Variants in LRTM3 observed in about 807,000 individuals in gnomAD.
The protein encoded by LRTM3 is leucine-rich repeat transmembrane protein 3.
the LRTM3 span, among the ~76,000 whole-genome samples, chr13:102,754,102 A>C: frequency 6.7e-6 from 1 of 148,272 alleles, no homozygotes; most frequent in Non-Finnish European, 1.5e-5. Context: ...GCTACTCGGG[A>C]GGCTGAGGCA....
the LRTM3 span, chr13:102,742,125 A>G: frequency 6.4e-7 from 1 of 1,550,470 alleles, no homozygotes; most frequent in Non-Finnish European, 8.7e-7. Flanking sequence ...CTAGACACAC[A>G]GTATCCAGAG....
chr13:102,733,195 C>A, the LRTM3 span: 10 of 1,551,282 alleles, frequency 6.4e-6, no homozygotes, highest in African/African-American at 1.2e-4. Flanking sequence ...GGATCACTTG[C>A]TTTTTCATGA....
At chr13:102,731,208 T>A in the LRTM3 span, 2 of 1,551,344 alleles carry the variant, frequency 1.3e-6, no homozygotes, top group African/African-American at 2.7e-5. Context: ...ACAATCAGTG[T>A]CTTCATATTG....
the LRTM3 span, chr13:102,742,511 A>G: frequency 1.3e-6 from 2 of 1,550,266 alleles, no homozygotes; most frequent in Non-Finnish European, 1.7e-6. Flanking sequence ...AAGTGGATGT[A>G]TCTTAGAGAA....
the LRTM3 span, among the ~76,000 whole-genome samples, chr13:102,755,959 A>AT: frequency 1.3e-4 from 9 of 70,300 alleles, no homozygotes; most frequent in South Asian, 5.1e-4. Context: ...ATATATATAT[A>AT]TATTTTTTTT....
At chr13:102,736,024 C>T in the LRTM3 span, 1 of 1,549,330 alleles carries the variant, frequency 6.5e-7, no homozygotes, top group African/African-American at 1.4e-5. Flanking sequence ...TTCTACCTTC[C>T]CTGCCTTCTA....
At chr13:102,744,712 T>C in the LRTM3 span, 10 of 1,550,840 alleles carry the variant, frequency 6.4e-6, no homozygotes, top group East Asian at 1.2e-4. Flanking sequence ...GAACTGATTC[T>C]GTTAACATTT....
At chr13:102,749,073 G>T in the LRTM3 span, 1 of 1,550,074 alleles carries the variant, frequency 6.5e-7, no homozygotes, top group Non-Finnish European at 8.7e-7. Flanking sequence ...GAAATAAGAT[G>T]CAAAGCTATA....
At chr13:102,747,656 C>T in the LRTM3 span, 6 of 1,551,014 alleles carry the variant, frequency 3.9e-6, no homozygotes, top group Non-Finnish European at 5.2e-6. Context: ...TAAAAGTTCA[C>T]CAACTGGCAA....
chr13:102,737,212 T>A, the LRTM3 span: 62 of 1,551,030 alleles, frequency 4.0e-5, no homozygotes, highest in Middle Eastern at 6.7e-4. Flanking sequence ...GCTTGTATTC[T>A]TGTACTGTTT....
At chr13:102,740,676 A>G in the LRTM3 span, 1 of 1,548,076 alleles carries the variant, frequency 6.5e-7, no homozygotes, top group Non-Finnish European at 8.7e-7. Context: ...TGTTGCATAG[A>G]TGCATTGAAC....
chr13:102,758,180 C>T, the LRTM3 span, among the ~76,000 whole-genome samples: 1 of 152,140 alleles, frequency 6.6e-6, no homozygotes, highest in Non-Finnish European at 1.5e-5. Flanking sequence ...GCTTTATTTT[C>T]CTCATCTGTA....
the LRTM3 span, among the ~76,000 whole-genome samples, chr13:102,751,376 CACACACACACACAT>C: frequency 2.1e-5 from 3 of 140,112 alleles, no homozygotes; most frequent in African/African-American, 8.2e-5. Context: ...CACACACACA[CACACACACACACAT>C]ATCCTACTGG....
the LRTM3 span, chr13:102,740,649 T>C: frequency 3.9e-6 from 6 of 1,548,376 alleles, no homozygotes; most frequent in East Asian, 4.9e-5. Flanking sequence ...GGAATATCCA[T>C]AGCATCTAAT....
At chr13:102,742,449 C>A in the LRTM3 span, 29 of 1,548,284 alleles carry the variant, frequency 1.9e-5, no homozygotes, top group Non-Finnish European at 2.1e-5. Context: ...GTCTTGGGAT[C>A]TGCCCTTGTT....
chr13:102,746,666 G>A, the LRTM3 span: 4 of 1,551,074 alleles, frequency 2.6e-6, no homozygotes, highest in African/African-American at 5.5e-5. Context: ...TTTAGAACAA[G>A]ATAAAACAGG....
chr13:102,749,988 C>A, the LRTM3 span: 1 of 1,550,406 alleles, frequency 6.4e-7, no homozygotes, highest in East Asian at 2.4e-5. Context: ...AATAAGTGGG[C>A]AAGAGGGCAA....
chr13:102,744,193 C>T, the LRTM3 span: 1 of 1,550,414 alleles, frequency 6.4e-7, no homozygotes, highest in Admixed American at 2.0e-5. Flanking sequence ...TATTAAACAA[C>T]TGCAAAATTC....
the LRTM3 span, chr13:102,748,356 T>C: frequency 6.4e-7 from 1 of 1,551,056 alleles, no homozygotes; most frequent in Non-Finnish European, 8.7e-7. Flanking sequence ...AATTCTTCAC[T>C]GCTTTTATGC....
Sources: gnomAD v4.1 joint callset for allele counts (sites outside exome capture counted in the v4.1 genomes callset) on GRCh38, gnomAD v4.1.1 for gene constraint, MANE v1.5 for transcripts, NCBI Gene and HGNC (gene_info 2026-07-23, HGNC 2026-07-21) for gene names.